The following EYS variants were observed in gnomAD, a reference collection of about 807,000 sequenced individuals.
EYS encodes protein eyes shut homolog.
A neutral mutation model predicts 282.1 loss-of-function variants in EYS; 250 were observed. The ratio of observed to expected loss-of-function variants is 0.89; its 90% CI spans 0.80 to 0.98. EYS has a LOEUF of 0.98. Ranked by LOEUF, EYS falls within the 50% of genes least tolerant of loss-of-function variation. The probability of loss-of-function intolerance (pLI) is 0.00; values close to 1 mark genes in which losing one functional copy is unlikely to be tolerated. For synonymous variants in EYS, 1,355 were observed against 1,282.9 expected, an observed-to-expected ratio of 1.06 and a Z score of -1.20; for missense variants, 4,016 against 3,709.0, an observed-to-expected ratio of 1.08 and a Z score of -2.15.
intron 35 of EYS, among the ~76,000 whole-genome samples, chr6:63,915,763 G>A (rs1030457751): frequency 4.6e-5 from 7 of 152,176 alleles, no homozygotes; most frequent in African/African-American, 1.7e-4. Context: ...GAACTTCAGT[G>A]GAGGAAGTAA....
intron 31 of EYS, among the ~76,000 whole-genome samples, chr6:64,172,980 G>A (rs1365341957): frequency 6.6e-6 from 1 of 152,090 alleles, no homozygotes; most frequent in African/African-American, 2.4e-5. Flanking sequence ...AAAAGTTTGG[G>A]ATCGCTGCTT....
chr6:64,298,894 T>G (rs1359852559), intron 30 of EYS, among the ~76,000 whole-genome samples: 1 of 152,166 alleles, frequency 6.6e-6, no homozygotes, highest in African/African-American at 2.4e-5. Flanking sequence ...GCTAGCTTAA[T>G]ATCAGACAAA....
chr6:65,649,575 A>G (rs1767580332), intron 1 of EYS, among the ~76,000 whole-genome samples: 1 of 152,232 alleles, frequency 6.6e-6, no homozygotes, highest in South Asian at 2.1e-4. Context: ...AACTGGTTTG[A>G]TCCATGAAAT....
chr6:65,211,868 C>T (rs539615673), intron 12 of EYS, among the ~76,000 whole-genome samples: 2 of 151,770 alleles, frequency 1.3e-5, no homozygotes, highest in African/African-American at 2.4e-5. Context: ...AGAATAGGCT[C>T]GAATATCACT....
intron 12 of EYS, among the ~76,000 whole-genome samples, chr6:65,074,729 C>A (rs944971067): frequency 5.9e-5 from 9 of 151,856 alleles, no homozygotes; most frequent in African/African-American, 2.2e-4. Context: ...GGCCAAGTAA[C>A]ATTTTGAAGA....
chr6:63,920,355 C>T (rs1373303369), intron 35 of EYS, among the ~76,000 whole-genome samples: 1 of 152,090 alleles, frequency 6.6e-6, no homozygotes, highest in East Asian at 1.9e-4. Context: ...CAGCAAGAGA[C>T]CAGAGGGTAG....
chr6:63,948,268 C>CT (rs1765457793), intron 35 of EYS, among the ~76,000 whole-genome samples: 1 of 152,294 alleles, frequency 6.6e-6, no homozygotes, highest in Non-Finnish European at 1.5e-5. Context: ...ATGGATATGC[C>CT]TTTTTTCTCC....
At chr6:64,855,636 G>A (rs1293640665) in intron 19 of EYS, among the ~76,000 whole-genome samples, 3 of 152,042 alleles carry the variant, frequency 2.0e-5, no homozygotes, top group Admixed American at 6.6e-5. Context: ...ACATTATTAA[G>A]AGTTCATAGA....
intron 35 of EYS, among the ~76,000 whole-genome samples, chr6:63,917,159 C>T (rs694888): frequency 0.7 from 107,101 of 152,192 alleles, 37,825 homozygotes; most frequent in Non-Finnish European, 0.73. Context: ...CACGTGCACG[C>T]GCGTGCATGT....
intron 2 of EYS, among the ~76,000 whole-genome samples, chr6:65,555,631 G>T (rs1038765691): frequency 2.0e-5 from 3 of 151,974 alleles, no homozygotes; most frequent in Admixed American, 6.6e-5. Context: ...ATATTTTTTA[G>T]TCTTAAAACA....
At chr6:65,688,817 C>T (rs1373736114) in intron 1 of EYS, among the ~76,000 whole-genome samples, 1 of 151,480 alleles carries the variant, frequency 6.6e-6, no homozygotes, top group African/African-American at 2.4e-5. Context: ...ATCAAAACCA[C>T]AATGAGATAC....
At chr6:64,095,584 G>A (rs575722333) in intron 31 of EYS, among the ~76,000 whole-genome samples, 19 of 151,758 alleles carry the variant, frequency 1.3e-4, no homozygotes, top group Middle Eastern at 3.4e-3. Flanking sequence ...AACCCCTGCC[G>A]TTTTTTGTTT....
intron 26 of EYS, among the ~76,000 whole-genome samples, chr6:64,500,536 T>A (rs1562027793): frequency 6.6e-6 from 1 of 152,096 alleles, no homozygotes; most frequent in Non-Finnish European, 1.5e-5. Context: ...AAAAAAATTG[T>A]GTAGGTATGG....
At chr6:64,727,991 G>A (rs1771817031) in intron 22 of EYS, among the ~76,000 whole-genome samples, 1 of 152,132 alleles carries the variant, frequency 6.6e-6, no homozygotes, top group South Asian at 2.1e-4. Flanking sequence ...CCCCTTCACG[G>A]GTGGAAACTG....
At chr6:64,367,467 T>G (rs1772217605) in intron 29 of EYS, among the ~76,000 whole-genome samples, 1 of 152,060 alleles carries the variant, frequency 6.6e-6, no homozygotes, top group African/African-American at 2.4e-5. Context: ...AGAAAGCTAT[T>G]CAGTTACAAC....
intron 31 of EYS, among the ~76,000 whole-genome samples, chr6:64,120,621 A>G (rs1426197552): frequency 2.6e-5 from 4 of 152,082 alleles, no homozygotes; most frequent in African/African-American, 7.2e-5. Context: ...ATAAATTGTT[A>G]TTTTCACATC....
At chr6:64,812,064 C>T (rs1239191084) in intron 22 of EYS, among the ~76,000 whole-genome samples, 1 of 151,908 alleles carries the variant, frequency 6.6e-6, no homozygotes, top group Non-Finnish European at 1.5e-5. Context: ...TGACTTAGTC[C>T]AGGCAATTAT....
chr6:65,366,191 C>T (rs76275816), intron 8 of EYS, among the ~76,000 whole-genome samples: 2,861 of 151,728 alleles, frequency 0.019, 56 homozygotes, highest in Non-Finnish European at 0.026. Context: ...TTCCTGTCTG[C>T]GTTAGAAATG....
chr6:64,202,341 A>T (rs1231412359), intron 31 of EYS, among the ~76,000 whole-genome samples: 2 of 152,172 alleles, frequency 1.3e-5, no homozygotes, highest in Non-Finnish European at 2.9e-5. Flanking sequence ...ATGAAGAAAG[A>T]TATGTTCTCT....
Sources: gnomAD v4.1 joint callset for allele counts (sites outside exome capture counted in the v4.1 genomes callset) on GRCh38, gnomAD v4.1.1 for gene constraint, MANE v1.5 for transcripts, NCBI Gene and HGNC (gene_info 2026-07-23, HGNC 2026-07-21) for gene names.